The following FGD5 variants were observed in gnomAD, a reference collection of about 807,000 sequenced individuals.
FGD5 encodes FYVE, RhoGEF and PH domain containing 5.
FGD5 carries 28 observed loss-of-function variants against 133.4 expected under a neutral mutation model. That is an observed-to-expected ratio of 0.21 (90% confidence interval 0.16 to 0.29). The LOEUF is 0.29. FGD5 is among the 10% of genes least tolerant of loss of function. The pLI is 1.00. For synonymous variants in FGD5, 810 were observed against 776.5 expected, an observed-to-expected ratio of 1.04 and a Z score of -0.72; for missense variants, 1,858 against 1,895.2, an observed-to-expected ratio of 0.98 and a Z score of 0.36.
intron 1 of FGD5, among the ~76,000 whole-genome samples, chr3:14,853,973 T>TA (rs1270313884): frequency 2.0e-5 from 3 of 151,984 alleles, no homozygotes; most frequent in African/African-American, 7.3e-5. Flanking sequence ...CCAGGGAGAC[T>TA]AGGCGGGGGG....
intron 4 of FGD5, among the ~76,000 whole-genome samples, chr3:14,893,427 C>T (rs2342885): frequency 0.72 from 109,193 of 152,024 alleles, 39,358 homozygotes; most frequent in African/African-American, 0.76. Context: ...CCATAGCTCA[C>T]TGCAGCCTGG....
At chr3:14,877,318 C>A (rs1236259549) in intron 2 of FGD5, among the ~76,000 whole-genome samples, 1 of 152,138 alleles carries the variant, frequency 6.6e-6, no homozygotes, top group Admixed American at 6.5e-5. Context: ...AGCAGGACTG[C>A]CCCGTGCGTC....
chr3:14,857,156 T>C (rs1276671296), intron 1 of FGD5, among the ~76,000 whole-genome samples: 2 of 78,472 alleles, frequency 2.5e-5, no homozygotes, highest in Non-Finnish European at 5.4e-5. Flanking sequence ...AATGTCATCC[T>C]TTTTTTTTTT....
chr3:14,896,092 T>G (rs1371360094), intron 4 of FGD5, among the ~76,000 whole-genome samples: 1 of 152,180 alleles, frequency 6.6e-6, no homozygotes. Flanking sequence ...GTGAAAGATC[T>G]GTACAAGGAA....
In FGD5 at chr3:14,918,758, G is replaced by A. The variant is rs1194947767; in HGVS notation, c.3494G>A (p.Ser1165Asn). The A allele has an allele frequency of 6.2e-7, 1 of 1,613,810 alleles. No homozygotes were observed. Among genetic ancestry groups the A allele is most frequent in the Non-Finnish European group, 8.5e-7 (1 of 1,179,882 alleles). Residue 1165 changes from serine to asparagine, a missense_variant, in exon 13 of 20, where the codon AGC becomes AAC. By Grantham distance (46) the Ser-to-Asn change is conservative. Around this residue, in one of 3 missense-constraint regions of FGD5, gnomAD observed 1,824 missense variants for 1,848.9 expected, o/e 0.99. Coordinates refer to ENST00000285046, the MANE Select transcript of FGD5 (RefSeq NM_152536.4). ...NTLAVANMKV[S>N]RPVMEKVPYA... ...AGGCTGCTGTTGGTTTTCCAGGTCA[G>A]CCGCCCTGTGATGGAGAAAGTGCCC...
chr3:14,895,399 G>A (rs533891132), intron 4 of FGD5, among the ~76,000 whole-genome samples: 2 of 152,172 alleles, frequency 1.3e-5, no homozygotes, highest in African/African-American at 4.8e-5. Flanking sequence ...ATAGATAGAG[G>A]TCTAGTGTCA....
At chr3:14,892,755 G>A (rs528536265) in intron 4 of FGD5, among the ~76,000 whole-genome samples, 19 of 152,094 alleles carry the variant, frequency 1.2e-4, no homozygotes, top group African/African-American at 4.6e-4. Flanking sequence ...GGAGGCAGAG[G>A]TTGCCGTGAG....
intron 12 of FGD5, among the ~76,000 whole-genome samples, chr3:14,918,463 CGTG>C (rs2038605643): frequency 1.3e-5 from 2 of 152,218 alleles, no homozygotes; most frequent in South Asian, 2.1e-4. Flanking sequence ...GCATGGGAGA[CGTG>C]GTCACTGGCA....
chr3:14,854,719 C>T (rs1238917105), intron 1 of FGD5, among the ~76,000 whole-genome samples: 1 of 151,950 alleles, frequency 6.6e-6, no homozygotes, highest in Admixed American at 6.6e-5. Context: ...CAGACCTGGC[C>T]CTCTTTTATT....
chr3:14,876,991 C>T (rs2037732783), intron 2 of FGD5, among the ~76,000 whole-genome samples: 1 of 152,216 alleles, frequency 6.6e-6, no homozygotes, highest in East Asian at 1.9e-4. Context: ...GGCCAGTAGC[C>T]CTGGGGACAG....
chr3:14,872,046 G>A (rs956326828), intron 2 of FGD5, among the ~76,000 whole-genome samples: 1 of 152,216 alleles, frequency 6.6e-6, no homozygotes, highest in Non-Finnish European at 1.5e-5. Context: ...AGTGACTCAC[G>A]TGTGCTCACT....
chr3:14,884,747 T>C (rs1215063252), intron 4 of FGD5, among the ~76,000 whole-genome samples: 2 of 152,156 alleles, frequency 1.3e-5, no homozygotes, highest in African/African-American at 4.8e-5. Flanking sequence ...GGCTAGGAGC[T>C]GGGATCACCG....
At chr3:14,892,252 A>G (rs1404795566) in intron 4 of FGD5, among the ~76,000 whole-genome samples, 1 of 151,190 alleles carries the variant, frequency 6.6e-6, no homozygotes, top group Non-Finnish European at 1.5e-5. Context: ...CCCAGGCTGG[A>G]GTGTAGTGGC....
At chr3:14,835,047 C>T (rs934422481) in intron 1 of FGD5, among the ~76,000 whole-genome samples, 5 of 152,266 alleles carry the variant, frequency 3.3e-5, no homozygotes, top group African/African-American at 7.2e-5. Flanking sequence ...ACAGACAGTC[C>T]GAAATCCCAG....
intron 4 of FGD5, among the ~76,000 whole-genome samples, chr3:14,891,951 C>T (rs1282931247): frequency 1.3e-5 from 2 of 151,696 alleles, no homozygotes; most frequent in African/African-American, 4.8e-5. Flanking sequence ...CTTTCTCCCT[C>T]TCTCTCATAC....
At position 14,844,211 on chromosome 3, in the gene FGD5, AAAAAAAATATATATATATATATATATAT is replaced by A. The variant is rs1290222422; in HGVS notation, c.2526-19915_2526-19888del. On this transcript the variant is annotated intron_variant, in intron 1 of 19. Coordinates refer to ENST00000285046, the MANE Select transcript of FGD5 (RefSeq NM_152536.4). ...TCACATCTTAATAGGCATTAAAAAA[AAAAAAAATATATATATATATATATATAT>A]ATATATATATATATATATATATATA... Among the ~76,000 whole-genome samples the A allele has an allele frequency of 1.7e-4, 7 of 41,462 alleles. 2 individuals carry two copies. In the East Asian group the frequency reaches 3.5e-3, roughly 21 times the overall value. 27.2% of individuals were successfully genotyped at this position (41,462 alleles called of 152,430 possible).
At chr3:14,897,271 T>G in intron 4 of FGD5, 1 of 526,172 alleles carries the variant, frequency 1.9e-6, no homozygotes, top group East Asian at 3.5e-5. Context: ...AGCCCTGCTC[T>G]GTGCCAGGCG....
intron 11 of FGD5, among the ~76,000 whole-genome samples, chr3:14,913,121 T>C (rs1687302): frequency 0.84 from 127,724 of 152,140 alleles, 53,837 homozygotes; most frequent in East Asian, 0.98. Flanking sequence ...TAGATCCTGC[T>C]CCATGGTACA....
chr3:14,810,773 G>A, upstream of FGD5: 2 of 979,682 alleles, frequency 2.0e-6, no homozygotes, highest in Non-Finnish European at 2.4e-6. Flanking sequence ...CGGCCGCGGA[G>A]GGAGGCGGTG....
Sources: allele counts gnomAD v4.1 joint callset (sites outside exome capture counted in the v4.1 genomes callset), GRCh38; gene constraint gnomAD v4.1.1; regional missense constraint gnomAD v4.1.1; transcripts MANE v1.5; gene names NCBI Gene and HGNC (gene_info 2026-07-23, HGNC 2026-07-21).